The following LITAF variants were observed in gnomAD, a reference collection of about 807,000 sequenced individuals.
LITAF encodes the protein lipopolysaccharide induced TNF factor, also known as lipopolysaccharide-induced tumor necrosis factor-alpha factor.
A neutral mutation model predicts 14.5 loss-of-function variants in LITAF; 9 were observed. The ratio of observed to expected loss-of-function variants is 0.62; its 90% CI spans 0.37 to 1.08. LITAF has a LOEUF of 1.08. Among genes scored for constraint, LITAF ranks in the 50% least tolerant of loss-of-function variants. LITAF has a pLI of 0.01. For synonymous variants in LITAF, 98 were observed against 88.2 expected (o/e 1.11, Z -0.62); for missense variants, 206 against 213.4 (o/e 0.97, Z 0.22).
At chr16:11,617,316 T>C (rs2065024992) in intron 3 of LITAF, among the ~76,000 whole-genome samples, 1 of 151,988 alleles carries the variant, frequency 6.6e-6, no homozygotes, top group Non-Finnish European at 1.5e-5. Flanking sequence ...ATGAAATGTA[T>C]GAAAATGTCC....
At chr16:11,555,430 G>A (rs1206684296) in intron 2 of LITAF, among the ~76,000 whole-genome samples, 1 of 152,170 alleles carries the variant, frequency 6.6e-6, no homozygotes, top group East Asian at 1.9e-4. Flanking sequence ...GCCAAGGGAG[G>A]TGGGAAGATC....
chr16:11,564,253 G>T (rs918209536), intron 1 of LITAF, among the ~76,000 whole-genome samples: 2 of 152,034 alleles, frequency 1.3e-5, no homozygotes, highest in Admixed American at 6.6e-5. Flanking sequence ...GGAACCCGCA[G>T]GGAGAAGCCA....
chr16:11,577,808 T>A (rs1207539805), intron 1 of LITAF, among the ~76,000 whole-genome samples: 1 of 152,200 alleles, frequency 6.6e-6, no homozygotes, highest in African/African-American at 2.4e-5. Flanking sequence ...TACTATGGCC[T>A]CAGCCTCCTG....
At chr16:11,620,151 G>A (rs1276358825) in intron 3 of LITAF, among the ~76,000 whole-genome samples, 2 of 146,184 alleles carry the variant, frequency 1.4e-5, no homozygotes, top group Non-Finnish European at 3.0e-5. Context: ...CTAGAGGACA[G>A]AGTGAGAGTC....
At chr16:11,577,474 C>A (rs149398543) in intron 1 of LITAF, among the ~76,000 whole-genome samples, 1 of 151,894 alleles carries the variant, frequency 6.6e-6, no homozygotes, top group Non-Finnish European at 1.5e-5. Flanking sequence ...CCCACCACCA[C>A]GCCCGGCTAG....
At chr16:11,559,341 T>C (rs1206658919) in intron 1 of LITAF, among the ~76,000 whole-genome samples, 1 of 152,216 alleles carries the variant, frequency 6.6e-6, no homozygotes, top group Non-Finnish European at 1.5e-5. Context: ...TACTTGCCAA[T>C]GAATTTTTAC....
At chr16:11,628,559 A>T (rs1370080894) in intron 3 of LITAF, among the ~76,000 whole-genome samples, 3 of 152,172 alleles carry the variant, frequency 2.0e-5, no homozygotes, top group African/African-American at 7.2e-5. Context: ...GCTGGAGTGC[A>T]GTGGCACGAT....
rs1311757667 is a variant in LITAF at position 11,548,513 on chromosome 16, G to A, written c.*1124C>T. The A allele has an allele frequency of 2.2e-6, 1 of 453,744 alleles. No homozygotes were observed. Among genetic ancestry groups the A allele is most frequent in the Admixed American group, 2.4e-5 (1 of 42,530 alleles). 28.1% of individuals were successfully genotyped at this position (453,744 alleles called of 1,614,324 possible). ...AACCAAAACGGACCCCACTCTGAGA[G>A]TTCCATGATGAAGGTGTTTAAGAAT... On this transcript the variant is annotated 3_prime_UTR_variant, in exon 4 of 4. Transcript: ENST00000622633.
intron 1 of LITAF, among the ~76,000 whole-genome samples, chr16:11,557,363 C>A (rs1183419123): frequency 6.6e-6 from 1 of 152,022 alleles, no homozygotes; most frequent in Non-Finnish European, 1.5e-5. Flanking sequence ...CACCTGGGGG[C>A]TGGTTACAGA....
intron 3 of LITAF, among the ~76,000 whole-genome samples, chr16:11,622,295 G>A (rs534711796): frequency 1.3e-5 from 2 of 152,338 alleles, no homozygotes; most frequent in South Asian, 4.1e-4. Context: ...CAGCCTGAAC[G>A]CTTTCCCAAA....
At position 11,627,238 on chromosome 16, in the gene LITAF, G is replaced by C. The variant is rs529418098; in HGVS notation, c.85+6295C>G. 1.2e-4 allele frequency among the ~76,000 whole-genome samples: 19 copies of C among 152,306 alleles called. No individual in the cohort carries two copies. The East Asian group carries it at 3.7e-3, about 29-fold the overall frequency. On this transcript the variant is annotated intron_variant, in intron 3 of 3. Transcript: ENST00000574848. ...ACAATCAACCCCAAGACCCTTGCTG[G>C]AGCTCCTTGAATAAGACGAATTCTT...
In LITAF at chr16:11,548,503, C is replaced by T. The variant is rs1163352245; in HGVS notation, c.*1134G>A. The T allele has an allele frequency of 6.6e-6, 3 of 453,960 alleles. No individual in the cohort carries two copies. Among genetic ancestry groups the T allele is most frequent in the Non-Finnish European group, 1.3e-5 (3 of 226,800 alleles). The allele number at this position is 453,960 out of a possible 1,614,324, so 28.1% of individuals were successfully genotyped here. A position where few individuals can be genotyped will look rare whatever the true frequency, so the allele number is the denominator to read the frequency against. On this transcript the variant is annotated 3_prime_UTR_variant, in exon 4 of 4. Transcript: ENST00000622633. ...ACCACCAGGAAACCAAAACGGACCCCACTCTGAGAGTTCCATGATGAAGGT... is the reference window on the plus strand; with the variant it reads ...ACCACCAGGAAACCAAAACGGACCCTACTCTGAGAGTTCCATGATGAAGGT...
At chr16:11,609,298 ACCT>A in intron 3 of LITAF, among the ~76,000 whole-genome samples, 1 of 149,532 alleles carries the variant, frequency 6.7e-6, no homozygotes, top group East Asian at 2.0e-4. Flanking sequence ...TGCAACCTCC[ACCT>A]CCTGAGTTCA....
intron 3 of LITAF, among the ~76,000 whole-genome samples, chr16:11,608,327 C>T (rs145552336): frequency 1.3e-5 from 2 of 152,184 alleles, no homozygotes; most frequent in Admixed American, 1.3e-4. Context: ...GTAGCTGGAT[C>T]ATGGGGAACA....
chr16:11,550,366 A>C (rs1017531320), intron 3 of LITAF, among the ~76,000 whole-genome samples: 2 of 152,162 alleles, frequency 1.3e-5, no homozygotes, highest in Non-Finnish European at 2.9e-5. Context: ...CTGGGATTAC[A>C]GGCGAGAGCC....
chr16:11,584,398 C>T (rs2064779462), intron 1 of LITAF: 1 of 152,186 alleles, frequency 6.6e-6, no homozygotes, highest in Non-Finnish European at 1.5e-5. Flanking sequence ...CTATTATACA[C>T]CTCTGAGCAG....
At chr16:11,638,095 T>G (rs1456067081), upstream of LITAF, among the ~76,000 whole-genome samples, 23 of 104,706 alleles carry the variant, frequency 2.2e-4, no homozygotes, top group African/African-American at 1.0e-3. Context: ...TATCTATCTA[T>G]CTATATATAT....
chr16:11,587,004 C>G (rs17523630), upstream of LITAF: 58,661 of 152,158 alleles, frequency 0.39, 13,055 homozygotes, highest in Non-Finnish European at 0.51. Flanking sequence ...GGAGCGCGGC[C>G]GGCTTGGGCT....
chr16:11,565,339 G>T (rs7203491), intron 1 of LITAF, among the ~76,000 whole-genome samples: 95,576 of 151,210 alleles, frequency 0.63, 30,682 homozygotes, highest in African/African-American at 0.71. Flanking sequence ...TGCCTCAGCC[G>T]CCCAAAGTGC....
Sources: allele counts gnomAD v4.1 joint callset (sites outside exome capture counted in the v4.1 genomes callset), GRCh38; gene constraint gnomAD v4.1.1; transcripts MANE v1.5; gene names NCBI Gene and HGNC (gene_info 2026-07-23, HGNC 2026-07-21).